USB1: variants seen among roughly 807,000 people sequenced by gnomAD.
USB1 encodes U6 snRNA phosphodiesterase 1.
A neutral mutation model predicts 29.9 loss-of-function variants in USB1; 21 were observed. The observed-to-expected ratio is 0.70, with a 90% CI of 0.50 to 1.01. The LOEUF (loss-of-function observed/expected upper bound fraction) is 1.01. Ranked by LOEUF, USB1 falls within the 50% of genes least tolerant of loss-of-function variation. The pLI, the probability that USB1 is intolerant of heterozygous loss-of-function variation, is 0.00. For missense variants in USB1, 330 were observed against 347.1 expected (o/e 0.95, Z 0.39); for synonymous variants, 143 against 134.9 (o/e 1.06, Z -0.42).
At chr16:58,016,695 C>T (rs536183003) in intron 4 of USB1, 4 of 165,352 alleles carry the variant, frequency 2.4e-5, no homozygotes, top group African/African-American at 9.6e-5. Context: ...GTGTGAGATA[C>T]TGCTGGGTGC....
At position 58,014,213 on chromosome 16, in the gene USB1, G is replaced by A; in HGVS notation, c.450-60G>A. Reference sequence around the variant, plus strand: ...AAAGTGCTGTTTTTTTTTAACATAAGCTATTTTTTCTGCTTTTTTTCTTAC... The same window carrying A: ...AAAGTGCTGTTTTTTTTTAACATAAACTATTTTTTCTGCTTTTTTTCTTAC... On this transcript the variant is annotated intron_variant, in intron 3 of 6. Transcript: ENST00000219281. 2.2e-6 allele frequency: 3 copies of A among 1,352,788 alleles called. No homozygotes were observed. In the South Asian group the frequency reaches 3.7e-5, roughly 16 times the overall value. The allele number at this position is 1,352,788 out of a possible 1,614,324, so 83.8% of individuals were successfully genotyped here. A position where few individuals can be genotyped will look rare whatever the true frequency, so the allele number is the denominator to read the frequency against.
At chr16:58,005,482 C>T (rs925869897) in intron 2 of USB1, among the ~76,000 whole-genome samples, 1 of 152,226 alleles carries the variant, frequency 6.6e-6, no homozygotes, top group Non-Finnish European at 1.5e-5. Flanking sequence ...GCACTCTTGT[C>T]TTCTGGTCAC....
In USB1 at chr16:58,008,298, A is replaced by G. The variant is rs577926923; in HGVS notation, c.266-1631A>G. Among the ~76,000 whole-genome samples, 276 of 151,534 alleles carry G rather than the reference A, an allele frequency of 1.8e-3. 2 individuals carry two copies. Among genetic ancestry groups the G allele is most frequent in the African/African-American group, 6.3e-3 (260 of 41,270 alleles). On this transcript the variant is annotated intron_variant, in intron 2 of 6. Transcript: ENST00000219281. ...AAACAACCAGCTTTTGGTTTTATTG[A>G]TTTTCTTTATTGATTTCTTGTCTTC...
In USB1 at chr16:58,017,488, T is replaced by C. The variant is rs747715909; in HGVS notation, c.609+49T>C. On this transcript the variant is annotated intron_variant, in intron 5 of 6. Coordinates refer to ENST00000219281, the MANE Select transcript of USB1 (RefSeq NM_024598.4). ...TCCATTGACCCATTTCTAATGAGAA[T>C]AAAACTGTCTTTAAAGAAGCCCTCG... 4 of 1,548,246 alleles carry C rather than the reference T, an allele frequency of 2.6e-6. No homozygotes were observed. The East Asian group carries it at 9.0e-5, about 35-fold the overall frequency.
intron 2 of USB1, among the ~76,000 whole-genome samples, chr16:58,004,669 T>C (rs1963310037): frequency 6.6e-6 from 1 of 152,186 alleles, no homozygotes; most frequent in Non-Finnish European, 1.5e-5. Context: ...TGGGATTGTA[T>C]TGAATCTGTA....
chr16:58,001,055 G>A (rs796227267), upstream of USB1, among the ~76,000 whole-genome samples: 8 of 152,232 alleles, frequency 5.3e-5, no homozygotes, highest in African/African-American at 1.9e-4. Context: ...GGGCTGGTTT[G>A]AGGAGGGGGC....
At chr16:58,014,736 T>C (rs1963575595) in intron 4 of USB1, among the ~76,000 whole-genome samples, 1 of 152,028 alleles carries the variant, frequency 6.6e-6, no homozygotes, top group African/African-American at 2.4e-5. Context: ...TGAGCCAAGA[T>C]TGCACCACTG....
rs1180810569 is a variant in USB1 at position 58,009,952 on chromosome 16, G to A, written c.289G>A (p.Asp97Asn). 6.2e-7 allele frequency: 1 copy of A among 1,613,854 alleles called. No homozygotes were observed. Among genetic ancestry groups the A allele is most frequent in the Non-Finnish European group, 8.5e-7 (1 of 1,179,972 alleles). ...VPYEAKEEFL[D>N]LLDVLLPHAQ... is the part of the protein sequence containing the mutation. ...AGATGAAGCCAAGGAGGAGTTCCTG[G>A]ATCTGCTTGATGTGTTGCTGCCCCA... The change falls in exon 3 of 7, where the codon GAT (aspartate) becomes AAT (asparagine). Residue 97 changes from aspartate (D) to asparagine (N), a missense_variant. Transcript: ENST00000219281.
chr16:58,018,888 C>T (rs548019958), intron 5 of USB1, 84 bp from the exon 6 acceptor site: 8 of 1,389,340 alleles, frequency 5.8e-6, no homozygotes, highest in African/African-American at 2.8e-5. Context: ...AGGGATGTCA[C>T]GACAGCTCTG....
chr16:58,008,163 G>A (rs1354163423), intron 2 of USB1, among the ~76,000 whole-genome samples: 2 of 152,062 alleles, frequency 1.3e-5, no homozygotes, highest in Non-Finnish European at 2.9e-5. Context: ...TATTATCCAT[G>A]GGATCTGTAA....
intron 3 of USB1, chr16:58,012,519 T>A (rs1485107804): frequency 1.6e-6 from 2 of 1,259,004 alleles, no homozygotes; most frequent in African/African-American, 1.5e-5. Flanking sequence ...CCTTCCTTTG[T>A]CACAATGACG....
At chr16:58,000,455 C>G (rs1489034368), upstream of USB1, 3 of 150,130 alleles carry the variant, frequency 2.0e-5, no homozygotes, top group Non-Finnish European at 4.5e-5. The surrounding 1 kb of genome is among the most constrained non-coding windows in gnomAD (Gnocchi z 4.5). Flanking sequence ...CAGCTGCTCT[C>G]TCGGCCGCCC....
chr16:58,013,919 A>G lies in USB1; in HGVS notation c.450-354A>G, dbSNP rs1046460655. 13 of 251,270 alleles carry G rather than the reference A, an allele frequency of 5.2e-5. No homozygotes were observed. In the Admixed American group the frequency reaches 6.6e-4, roughly 13 times the overall value. The allele number at this position is 251,270 out of a possible 1,614,324, so 15.6% of individuals were successfully genotyped here. A position where few individuals can be genotyped will look rare whatever the true frequency, so the allele number is the denominator to read the frequency against. ...CATCTATTTTAAAAAACTGCAAGAA[A>G]TGAATCAGCTGTTAAGTGGTCCATT... On this transcript the variant is annotated intron_variant, in intron 3 of 6. Transcript: ENST00000219281. The surrounding 1 kb of genome is among the most constrained non-coding windows in gnomAD (Gnocchi z 4.3).
rs1438647094 is a variant in USB1, at chr16:58,012,934, G to A, written c.450-1339G>A. On this transcript the variant is annotated intron_variant, in intron 3 of 6. Transcript: ENST00000219281. ...TTGCAAGAAATACTGATCCCTGTGG[G>A]ATGTATATGTGGCTGGTTCCCTTGC... The A allele has an allele frequency of 4.1e-6, 4 of 986,276 alleles. No homozygotes were observed. In the East Asian group the frequency reaches 4.5e-4, roughly 112 times the overall value. 61.1% of individuals were successfully genotyped at this position (986,276 alleles called of 1,614,324 possible). A position where few individuals can be genotyped will look rare whatever the true frequency, so the allele number is the denominator to read the frequency against.
chr16:58,011,417 T>A, intron 3 of USB1: 1 of 1,131,636 alleles, frequency 8.8e-7, no homozygotes. Flanking sequence ...CCTATTAGAT[T>A]ATTTCATAAC....
intron 2 of USB1, among the ~76,000 whole-genome samples, chr16:58,005,481 T>C (rs1475348461): frequency 6.6e-6 from 1 of 152,210 alleles, no homozygotes; most frequent in African/African-American, 2.4e-5. Flanking sequence ...CGCACTCTTG[T>C]CTTCTGGTCA....
In USB1 at chr16:58,003,916, C is replaced by T. The variant is rs138597414; in HGVS notation, c.265+1271C>T. Among the ~76,000 whole-genome samples the T allele has an allele frequency of 4.0e-5, 6 of 151,552 alleles. No individual in the cohort carries two copies. The East Asian group carries it at 5.9e-4, about 15-fold the overall frequency. On this transcript the variant is annotated intron_variant, in intron 2 of 6. Coordinates refer to ENST00000219281, the MANE Select transcript of USB1 (RefSeq NM_024598.4). The stretch of plus-strand genomic sequence containing the variant: ...GTCGCTTGTCTTTTCATTCTCTTGA[C>T]GTTGTCCTTCACAGAGCAGAAGTTT...
intron 3 of USB1, chr16:58,010,959 T>A (rs892036353): frequency 4.3e-6 from 3 of 699,884 alleles, no homozygotes; most frequent in Non-Finnish European, 7.8e-6. Flanking sequence ...ACCGGGAGGG[T>A]AGGGGGTGGG....
At chr16:58,018,224 C>G (rs1199258782) in intron 5 of USB1, among the ~76,000 whole-genome samples, 2 of 130,120 alleles carry the variant, frequency 1.5e-5, no homozygotes, top group African/African-American at 2.8e-5. Context: ...TGGTTGATGT[C>G]TTTTTTTTTT....
Sources: allele counts gnomAD v4.1 joint callset (sites outside exome capture counted in the v4.1 genomes callset), GRCh38; gene constraint gnomAD v4.1.1; non-coding constraint Gnocchi (gnomAD v3.1); transcripts MANE v1.5; gene names NCBI Gene and HGNC (gene_info 2026-07-23, HGNC 2026-07-21).